Variants in PTPRN2 observed in about 807,000 individuals in gnomAD.
The protein encoded by PTPRN2 is receptor-type tyrosine-protein phosphatase N2.
Under a neutral mutation model 118.8 loss-of-function variants are expected in PTPRN2, and 74 were observed. The ratio of observed to expected loss-of-function variants is 0.62; its 90% CI spans 0.52 to 0.76. PTPRN2 has a LOEUF of 0.76. Among genes scored for constraint, PTPRN2 ranks in the 30% least tolerant of loss-of-function variants. The pLI is 0.00. For synonymous variants in PTPRN2, 641 were observed against 608.0 expected, an observed-to-expected ratio of 1.05 and a Z score of -0.80; for missense variants, 1,481 against 1,394.4, an observed-to-expected ratio of 1.06 and a Z score of -0.99.
intron 2 of PTPRN2, among the ~76,000 whole-genome samples, chr7:158,368,214 C>T (rs887392954): frequency 1.3e-5 from 2 of 152,298 alleles, no homozygotes; most frequent in Admixed American, 1.3e-4. Context: ...GCACCGGCCT[C>T]CCAGGATATT....
chr7:158,423,911 T>C (rs1815474742), intron 2 of PTPRN2, among the ~76,000 whole-genome samples: 5 of 152,264 alleles, frequency 3.3e-5, no homozygotes, highest in Admixed American at 2.6e-4. Flanking sequence ...GGAGTTCTGC[T>C]GTGGTCTGTA....
At chr7:158,216,403 T>C (rs1207622540) in intron 3 of PTPRN2, among the ~76,000 whole-genome samples, 1 of 151,758 alleles carries the variant, frequency 6.6e-6, no homozygotes, top group Non-Finnish European at 1.5e-5. Flanking sequence ...GGGCTAAATA[T>C]GACAATGAAA....
chr7:158,188,236 TTGCCCCGCGATGGGGAAGGCCGC>T (rs1825379064), intron 5 of PTPRN2, among the ~76,000 whole-genome samples: 2 of 61,418 alleles, frequency 3.3e-5, no homozygotes, highest in African/African-American at 5.4e-5. Flanking sequence ...GCCGCCACGC[TTGCCCCGCGATGGGGAAGGCCGC>T]CACGCTCGCC....
In PTPRN2 at chr7:157,540,790, A is replaced by G. The variant is rs1407166432; in HGVS notation, c.2977-5T>C. The G allele has an allele frequency of 1.3e-6, 2 of 1,558,292 alleles. No homozygotes were observed. Among genetic ancestry groups the G allele is most frequent in the Non-Finnish European group, 1.7e-6 (2 of 1,150,338 alleles). Reference sequence around the variant, plus strand: ...CAGCGCGAACTCAAACTGCTCCTGCAGGGCGAGAAACGAGAGAAGTGCCAA... The same window carrying G: ...CAGCGCGAACTCAAACTGCTCCTGCGGGGCGAGAAACGAGAGAAGTGCCAA... On this transcript the variant is annotated splice_polypyrimidine_tract_variant and splice_region_variant and intron_variant, in intron 22 of 22. Transcript: ENST00000389418.
At chr7:157,751,808 G>A (rs1801486269) in intron 12 of PTPRN2, among the ~76,000 whole-genome samples, 1 of 150,452 alleles carries the variant, frequency 6.6e-6, no homozygotes, top group Non-Finnish European at 1.5e-5. Flanking sequence ...TACGGGATGA[G>A]GAAACACATC....
At chr7:158,329,996 A>G (rs1214742993) in intron 2 of PTPRN2, among the ~76,000 whole-genome samples, 1 of 152,064 alleles carries the variant, frequency 6.6e-6, no homozygotes, top group Non-Finnish European at 1.5e-5. Flanking sequence ...TCACGCCCGC[A>G]GACGACACTC....
chr7:158,297,909 T>C (rs946611949), intron 3 of PTPRN2, among the ~76,000 whole-genome samples: 8 of 152,258 alleles, frequency 5.3e-5, no homozygotes, highest in African/African-American at 1.4e-4. Flanking sequence ...ATTTAAGGAA[T>C]GCATGTTTTA....
chr7:157,597,484 G>GTGTT (rs1554500977), intron 16 of PTPRN2, among the ~76,000 whole-genome samples: 1 of 145,650 alleles, frequency 6.9e-6, no homozygotes, highest in Non-Finnish European at 1.5e-5. Flanking sequence ...GTGTGTGTGT[G>GTGTT]TTTTTTTTTT....
At chr7:158,075,695 G>A (rs1812298767) in intron 11 of PTPRN2, among the ~76,000 whole-genome samples, 1 of 152,266 alleles carries the variant, frequency 6.6e-6, no homozygotes, top group Non-Finnish European at 1.5e-5. Context: ...TCTAAGAGCA[G>A]GAGGAGAGCG....
chr7:157,561,394 C>T (rs990372238), intron 21 of PTPRN2, among the ~76,000 whole-genome samples: 9 of 152,252 alleles, frequency 5.9e-5, no homozygotes, highest in South Asian at 2.1e-4. Context: ...CCTCTTCCTC[C>T]GGTAGTTTCC....
At chr7:158,042,700 G>C (rs1385209077) in intron 11 of PTPRN2, among the ~76,000 whole-genome samples, 1 of 152,134 alleles carries the variant, frequency 6.6e-6, no homozygotes, top group Admixed American at 6.5e-5. Context: ...AGCCACAGCC[G>C]GCTGATAGAC....
At chr7:158,309,507 A>G (rs1801541657) in intron 3 of PTPRN2, among the ~76,000 whole-genome samples, 1 of 152,120 alleles carries the variant, frequency 6.6e-6, no homozygotes, top group South Asian at 2.1e-4. Context: ...TCCCCTTTAT[A>G]TACACATCTA....
intron 2 of PTPRN2, among the ~76,000 whole-genome samples, chr7:158,385,103 T>C (rs2151357207): frequency 6.6e-6 from 1 of 152,312 alleles, no homozygotes; most frequent in Middle Eastern, 3.4e-3. Flanking sequence ...CTCCCACCAA[T>C]GCCCCTGAAG....
chr7:158,563,345 A>G lies in PTPRN2; in HGVS notation c.112+24213T>C, dbSNP rs1827497999. Among the ~76,000 whole-genome samples the G allele has an allele frequency of 6.6e-6, 1 of 152,256 alleles. No homozygotes were observed. The highest frequency in any genetic ancestry group is 2.1e-4 in the South Asian group (1 of 4,832). ...AGCAAGAAGTACCCAAGTGGAACGC[A>G]GATACGGCACGTCAGTGAGAACAAA... On this transcript the variant is annotated intron_variant, in intron 1 of 22. Coordinates refer to ENST00000389418, the MANE Select transcript of PTPRN2 (RefSeq NM_002847.5). This position sits in a 1 kb window ranked among gnomAD's most constrained non-coding sequence, Gnocchi z 5.1.
chr7:157,786,929 C>T (rs944940206), intron 12 of PTPRN2, among the ~76,000 whole-genome samples: 2 of 152,180 alleles, frequency 1.3e-5, no homozygotes, highest in Non-Finnish European at 2.9e-5. Context: ...GCTGTCTGCA[C>T]CACCGCACAC....
At chr7:157,765,160 TTC>T (rs1368534712) in intron 12 of PTPRN2, among the ~76,000 whole-genome samples, 1 of 149,688 alleles carries the variant, frequency 6.7e-6, no homozygotes, top group African/African-American at 2.5e-5. Flanking sequence ...CCATCCATCC[TTC>T]TTTTATCCAT....
chr7:158,146,622 G>C lies in PTPRN2; in HGVS notation c.911-8107C>G, dbSNP rs533419773. On this transcript the variant is annotated intron_variant, in intron 6 of 22. Coordinates refer to ENST00000389418, the MANE Select transcript of PTPRN2 (RefSeq NM_002847.5). ...TGTAGTCCCAGCTACTCAGGAGCCT[G>C]AGGCAGAAGAATGGTGTGAACCCAG... 7.3e-5 allele frequency among the ~76,000 whole-genome samples: 11 copies of C among 149,760 alleles called. No individual in the cohort carries two copies. The East Asian group carries it at 1.9e-3, about 26-fold the overall frequency.
chr7:157,764,383 A>T lies in PTPRN2; in HGVS notation c.1789-81446T>A, dbSNP rs1802325503. Among the ~76,000 whole-genome samples, 1 of 152,214 alleles carries T rather than the reference A, an allele frequency of 6.6e-6. No homozygotes were observed. ...ATCATGTGGTCCACCCACACATGGG[A>T]ATATTACTCAGCACTGAAAAGGCAG... is the stretch of plus-strand genomic sequence containing the variant. On this transcript the variant is annotated intron_variant, in intron 12 of 22. Coordinates refer to ENST00000389418, the MANE Select transcript of PTPRN2 (RefSeq NM_002847.5). This position sits in a 1 kb window ranked among gnomAD's most constrained non-coding sequence, Gnocchi z 4.5.
chr7:158,300,133 G>C (rs1800780222), intron 3 of PTPRN2, among the ~76,000 whole-genome samples: 1 of 152,176 alleles, frequency 6.6e-6, no homozygotes, highest in Non-Finnish European at 1.5e-5. Flanking sequence ...GAATGCCTCT[G>C]AAATGATGAT....
Sources: allele counts gnomAD v4.1 joint callset (sites outside exome capture counted in the v4.1 genomes callset), GRCh38; gene constraint gnomAD v4.1.1; non-coding constraint Gnocchi (gnomAD v3.1); transcripts MANE v1.5; gene names NCBI Gene and HGNC (gene_info 2026-07-23, HGNC 2026-07-21).